The following KANSL1L variants were observed in gnomAD, a reference collection of about 807,000 sequenced individuals.
The protein encoded by KANSL1L is KAT8 regulatory NSL complex subunit 1-like protein.
In KANSL1L, 25 loss-of-function variants were observed where a neutral mutation model predicts 108.6. The observed-to-expected ratio is 0.23, with a 90% CI of 0.17 to 0.32. The LOEUF is 0.32. KANSL1L is among the 10% of genes least tolerant of loss of function. KANSL1L has a pLI of 1.00. For synonymous variants in KANSL1L, 405 were observed against 395.1 expected, an observed-to-expected ratio of 1.03 and a Z score of -0.30; for missense variants, 1,137 against 1,125.7, an observed-to-expected ratio of 1.01 and a Z score of -0.14.
At chr2:210,124,581 A>G (rs1433542664) in intron 3 of KANSL1L, among the ~76,000 whole-genome samples, 1 of 152,010 alleles carries the variant, frequency 6.6e-6, no homozygotes, top group Non-Finnish European at 1.5e-5. Flanking sequence ...CTAATTTTAC[A>G]AATTAAGAAA....
chr2:210,032,748 G>GT (rs1232147771), intron 8 of KANSL1L: 1 of 152,198 alleles, frequency 6.6e-6, no homozygotes, highest in East Asian at 1.9e-4. Flanking sequence ...TGGTAGAAGA[G>GT]TTTTAACTGA....
rs564230299 is a variant in KANSL1L, at chr2:210,022,304, AAACAACAAC to A, written c.*636_*644del. On this transcript the variant is annotated 3_prime_UTR_variant, in exon 15 of 15. Coordinates refer to ENST00000281772, the MANE Select transcript of KANSL1L (RefSeq NM_152519.4). ...TAACTTCTGTTGGTTAAACATGTTA[AAACAACAAC>A]AACAACAACAAAAAACTTCTGTCTC... 1.3e-5 allele frequency: 2 copies of A among 152,292 alleles called. No individual in the cohort carries two copies. Among genetic ancestry groups the A allele is most frequent in the Admixed American group, 6.6e-5 (1 of 15,240 alleles). 9.4% of individuals were successfully genotyped at this position (152,292 alleles called of 1,614,324 possible).
chr2:210,102,442 C>T (rs1056953841), intron 4 of KANSL1L, among the ~76,000 whole-genome samples: 1 of 152,116 alleles, frequency 6.6e-6, no homozygotes, highest in Admixed American at 6.5e-5. Context: ...CAAGCAATGG[C>T]AACAAAAGCC....
chr2:210,033,732 G>A (rs2094058881), intron 8 of KANSL1L, among the ~76,000 whole-genome samples: 1 of 149,906 alleles, frequency 6.7e-6, no homozygotes, highest in Non-Finnish European at 1.5e-5. Context: ...TAGAGACGGG[G>A]TTTCACCGTG....
chr2:210,169,633 A>G (rs186066938), intron 1 of KANSL1L, among the ~76,000 whole-genome samples: 1,946 of 152,156 alleles, frequency 0.013, 17 homozygotes, highest in South Asian at 0.03. Flanking sequence ...GGCCTGGATT[A>G]AGAAGTTTCA....
intron 3 of KANSL1L, among the ~76,000 whole-genome samples, chr2:210,107,120 A>G (rs1481080602): frequency 6.6e-6 from 1 of 152,246 alleles, no homozygotes; most frequent in East Asian, 1.9e-4. Flanking sequence ...TTCTGAGAAG[A>G]GAAATCCTGA....
At chr2:210,137,581 A>G (rs530266517) in intron 2 of KANSL1L, among the ~76,000 whole-genome samples, 2 of 152,346 alleles carry the variant, frequency 1.3e-5, no homozygotes, top group African/African-American at 4.8e-5. Context: ...TGACAATCTT[A>G]AATATATTAT....
Position 210,154,342 on chromosome 2 carries a change from A to C in KANSL1L, c.241T>G (p.Phe81Val). The C allele has an allele frequency of 6.2e-7, 1 of 1,611,492 alleles. No homozygotes were observed. Among genetic ancestry groups the C allele is most frequent in the South Asian group, 1.1e-5 (1 of 90,232 alleles). ...AATGTAGAATTAGATCTCATTAAAA[A>C]AACAGTCTGGTAATGTTTTGAAGAC... ...PQSSKHYQTVFLMRSNSTLNK... is the reference protein window; with the variant it reads ...PQSSKHYQTVVLMRSNSTLNK... The change falls in exon 2 of 15, where the codon TTT (phenylalanine) becomes GTT (valine). Residue 81 changes from phenylalanine to valine, a missense_variant. Coordinates refer to ENST00000281772, the MANE Select transcript of KANSL1L (RefSeq NM_152519.4).
intron 1 of KANSL1L, among the ~76,000 whole-genome samples, chr2:210,164,869 G>GT (rs1374371688): frequency 1.3e-3 from 140 of 111,210 alleles, no homozygotes; most frequent in Middle Eastern, 0.01. Flanking sequence ...TTTTTTTTTT[G>GT]TTTTTTTTTG....
intron 5 of KANSL1L, among the ~76,000 whole-genome samples, chr2:210,077,610 C>G (rs1268610582): frequency 6.6e-6 from 1 of 152,044 alleles, no homozygotes; most frequent in Non-Finnish European, 1.5e-5. Flanking sequence ...AGATCCAGCA[C>G]CAAAAGAGGT....
At chr2:210,058,373 C>T (rs1177273333) in intron 6 of KANSL1L, among the ~76,000 whole-genome samples, 1 of 152,120 alleles carries the variant, frequency 6.6e-6, no homozygotes, top group Non-Finnish European at 1.5e-5. Context: ...CAATGCGTGC[C>T]CGAAACTTCA....
chr2:210,057,679 C>T (rs1454463716), intron 6 of KANSL1L, among the ~76,000 whole-genome samples: 2 of 152,296 alleles, frequency 1.3e-5, no homozygotes, highest in East Asian at 3.9e-4. Context: ...GAAGCCATGG[C>T]AGAAGAACGT....
chr2:210,031,418 T>C lies in KANSL1L; in HGVS notation c.2155+3A>G, dbSNP rs755662037. 1.3e-6 allele frequency: 2 copies of C among 1,586,160 alleles called. No individual in the cohort carries two copies. The highest frequency in any genetic ancestry group is 1.7e-6 in the Non-Finnish European group (2 of 1,160,958). On this transcript the variant is annotated splice_donor_region_variant and intron_variant, in intron 9 of 14. Transcript: ENST00000281772. ...TACTGCTTATATCCTCACTTTAACC[T>C]ACCTAATGCTGTTTCACTCAAATGT...
At chr2:210,129,652 C>T (rs575031851) in intron 2 of KANSL1L, among the ~76,000 whole-genome samples, 4 of 151,996 alleles carry the variant, frequency 2.6e-5, no homozygotes, top group East Asian at 3.9e-4. Flanking sequence ...AAATAGGCAT[C>T]GTTATTAGCT....
intron 5 of KANSL1L, among the ~76,000 whole-genome samples, chr2:210,093,003 G>A (rs2094705622): frequency 6.6e-6 from 1 of 152,140 alleles, no homozygotes; most frequent in Non-Finnish European, 1.5e-5. Context: ...TGGGGAAAGG[G>A]AAACAGTTTT....
At position 210,108,542 on chromosome 2, in the gene KANSL1L, A is replaced by G. The variant is rs145202877; in HGVS notation, c.1231-4241T>C. Among the ~76,000 whole-genome samples, 77 of 152,342 alleles carry G rather than the reference A, an allele frequency of 5.1e-4. 2 individuals are homozygous for G. The East Asian group carries it at 0.014, about 28-fold the overall frequency. On this transcript the variant is annotated intron_variant, in intron 3 of 14. Transcript: ENST00000281772. ...ATTGAAATATAAATCTTATTCATCA[A>G]TGTAACTGCAAACCCACTTTCTTTG... is the stretch of plus-strand genomic sequence containing the variant.
intron 2 of KANSL1L, among the ~76,000 whole-genome samples, chr2:210,145,827 G>A (rs2095261694): frequency 6.6e-6 from 1 of 152,202 alleles, no homozygotes; most frequent in African/African-American, 2.4e-5. Flanking sequence ...TGTTTGAGGT[G>A]AGAGTATGCA....
At chr2:210,024,307 A>G in intron 13 of KANSL1L, 106 bp from the exon 14 acceptor site, 1 of 822,288 alleles carries the variant, frequency 1.2e-6, no homozygotes, top group Admixed American at 3.6e-5. Context: ...GGTAACTTTA[A>G]ACAGTTTTGC....
chr2:210,146,819 C>CT (rs2095269456), intron 2 of KANSL1L, among the ~76,000 whole-genome samples: 1 of 152,144 alleles, frequency 6.6e-6, no homozygotes. Context: ...CAATCTGATG[C>CT]TTTTTTCATT....
Sources: allele counts gnomAD v4.1 joint callset (sites outside exome capture counted in the v4.1 genomes callset), GRCh38; gene constraint gnomAD v4.1.1; transcripts MANE v1.5; gene names NCBI Gene and HGNC (gene_info 2026-07-23, HGNC 2026-07-21).